The following AGO1 variants were observed in gnomAD, a reference collection of about 807,000 sequenced individuals.
AGO1 encodes argonaute RISC component 1, also known as protein argonaute-1.
Under a neutral mutation model 109.2 loss-of-function variants are expected in AGO1, and 11 were observed. That is an observed-to-expected ratio of 0.10 (90% CI 0.06 to 0.17). AGO1 has a LOEUF of 0.17. AGO1 is among the 10% of genes least tolerant of loss of function. The pLI, the probability that AGO1 is intolerant of heterozygous loss-of-function variation, is 1.00. For missense variants in AGO1, 574 were observed against 1,140.3 expected, an observed-to-expected ratio of 0.50 and a Z score of 7.15; for synonymous variants, 422 against 418.6, an observed-to-expected ratio of 1.01 and a Z score of -0.10.
Position 35,883,457 on chromosome 1 carries a change from C to A in AGO1, c.25+11C>A, listed in dbSNP as rs758143029. On this transcript the variant is annotated intron_variant, in intron 1 of 18. Transcript: ENST00000373204. The surrounding 1 kb of genome is among the most constrained non-coding windows in gnomAD (Gnocchi z 5.4). ...GACCCTCGGGAGCAGGTAAGGGTCCCCAGGAGGGGGAACGGTGCATGCTCC... is the reference window on the plus strand; with the variant it reads ...GACCCTCGGGAGCAGGTAAGGGTCCACAGGAGGGGGAACGGTGCATGCTCC... 3 of 1,554,004 alleles carry A rather than the reference C, an allele frequency of 1.9e-6. No individual in the cohort carries two copies. Among genetic ancestry groups the A allele is most frequent in the Non-Finnish European group, 2.6e-6 (3 of 1,156,388 alleles).
chr1:35,884,091 C>A (rs977132725), intron 1 of AGO1, among the ~76,000 whole-genome samples: 1 of 151,250 alleles, frequency 6.6e-6, no homozygotes, highest in African/African-American at 2.4e-5. Context: ...CTCTCCACAC[C>A]CCCCCGCCCC....
Position 35,901,821 on chromosome 1 carries a change from C to T in AGO1, c.1141-127C>T. ...CCTCACTTCCCTCATCTTCCACTTT[C>T]TCTCTCTTTTTAGGACTATTCCGTA... is the stretch of plus-strand genomic sequence containing the variant. On this transcript the variant is annotated intron_variant, in intron 9 of 18. Coordinates refer to ENST00000373204, the MANE Select transcript of AGO1 (RefSeq NM_012199.5). The surrounding 1 kb of genome is among the most constrained non-coding windows in gnomAD (Gnocchi z 4.8). 7.1e-7 allele frequency: 1 copy of T among 1,400,068 alleles called. No individual in the cohort carries two copies. The highest frequency in any genetic ancestry group is 9.7e-7 in the Non-Finnish European group (1 of 1,030,248). 86.7% of individuals were successfully genotyped at this position (1,400,068 alleles called of 1,614,324 possible). A position where few individuals can be genotyped will look rare whatever the true frequency, so the allele number is the denominator to read the frequency against.
intron 8 of AGO1, among the ~76,000 whole-genome samples, chr1:35,895,797 T>C (rs1645306521): frequency 6.6e-6 from 1 of 152,214 alleles, no homozygotes; most frequent in Non-Finnish European, 1.5e-5. Flanking sequence ...CACTAAGTTA[T>C]AGAATACAAA....
chr1:35,877,456 C>T (rs960567853), intron 1 of AGO1, among the ~76,000 whole-genome samples: 2 of 152,158 alleles, frequency 1.3e-5, no homozygotes, highest in Admixed American at 6.5e-5. Flanking sequence ...GATATCTCTT[C>T]TATGTAACCT....
intron 14 of AGO1, 56 bp from the exon 15 acceptor site, chr1:35,915,292 A>G: frequency 3.9e-6 from 6 of 1,532,928 alleles, no homozygotes; most frequent in African/African-American, 2.7e-5. Context: ...ACAAACCCAT[A>G]GCCTGACAGT....
intron 1 of AGO1, among the ~76,000 whole-genome samples, chr1:35,876,799 A>G (rs911521632): frequency 5.3e-5 from 8 of 152,090 alleles, no homozygotes; most frequent in Non-Finnish European, 1.5e-5. Flanking sequence ...TTTGTTTTTT[A>G]AGAGACAGGC....
chr1:35,907,144 A>G (rs536133278), intron 12 of AGO1, 25 bp downstream of exon 12: 2 of 1,593,618 alleles, frequency 1.3e-6, no homozygotes, highest in Admixed American at 1.7e-5. Context: ...GGACAGTGAT[A>G]ATGGTGATAG....
chr1:35,908,225 C>T (rs1273672433), intron 12 of AGO1, among the ~76,000 whole-genome samples: 1 of 152,224 alleles, frequency 6.6e-6, no homozygotes, highest in African/African-American at 2.4e-5. Context: ...CCTAAATCTC[C>T]TCTGCACAGG....
intron 1 of AGO1, among the ~76,000 whole-genome samples, chr1:35,886,995 G>A (rs1343691719): frequency 1.3e-5 from 2 of 152,176 alleles, no homozygotes; most frequent in East Asian, 1.9e-4. Context: ...CTGTCTGTCC[G>A]TGAGCTTGTG....
intron 3 of AGO1, 53 bp downstream of exon 3, chr1:35,892,730 G>T: frequency 6.2e-7 from 1 of 1,612,054 alleles, no homozygotes; most frequent in Non-Finnish European, 8.5e-7. Flanking sequence ...GTAGAACCAA[G>T]CTCATGTAAG....
chr1:35,917,229 A>G (rs1645751219), intron 15 of AGO1, among the ~76,000 whole-genome samples: 1 of 151,900 alleles, frequency 6.6e-6, no homozygotes, highest in African/African-American at 2.4e-5. Context: ...CCAAAGGAGA[A>G]CTCTCATTAG....
intron 1 of AGO1, among the ~76,000 whole-genome samples, chr1:35,872,690 G>C (rs1644961984): frequency 6.6e-6 from 1 of 151,842 alleles, no homozygotes; most frequent in Non-Finnish European, 1.5e-5. Flanking sequence ...TCCTTCCTCA[G>C]TCACCCGAGA....
chr1:35,891,631 C>T (rs1300498716), intron 2 of AGO1, among the ~76,000 whole-genome samples: 2 of 149,992 alleles, frequency 1.3e-5, no homozygotes, highest in Non-Finnish European at 3.0e-5. Context: ...GTGGCATGAT[C>T]TCGGCTCACT....
Position 35,902,185 on chromosome 1 carries a change from C to T in AGO1, c.1264-19C>T. 6.2e-7 allele frequency: 1 copy of T among 1,609,812 alleles called. No individual in the cohort carries two copies. The highest frequency in any genetic ancestry group is 8.5e-7 in the Non-Finnish European group (1 of 1,177,354). On this transcript the variant is annotated intron_variant, in intron 10 of 18. Transcript: ENST00000373204. ...ACTCTACTGAGGCTCACCTAGGCGC[C>T]CCCTCTACCTATCCCCAGAACCGGG...
At chr1:35,890,167 C>A (rs1055298261) in intron 2 of AGO1, among the ~76,000 whole-genome samples, 1 of 151,870 alleles carries the variant, frequency 6.6e-6, no homozygotes, top group Non-Finnish European at 1.5e-5. Context: ...GGATTACAGG[C>A]ACCCACCACC....
At chr1:35,916,674 C>G (rs1215568392) in intron 15 of AGO1, among the ~76,000 whole-genome samples, 1 of 152,194 alleles carries the variant, frequency 6.6e-6, no homozygotes, top group African/African-American at 2.4e-5. Flanking sequence ...GGCCATTATG[C>G]CCAATTTCTA....
chr1:35,872,720 T>G (rs1644962772), intron 1 of AGO1, among the ~76,000 whole-genome samples: 2 of 152,016 alleles, frequency 1.3e-5, no homozygotes, highest in African/African-American at 4.8e-5. Flanking sequence ...TACAGTGATG[T>G]ACCACTGGGC....
chr1:35,927,764 T>C lies in AGO1; in HGVS notation c.*8157T>C, dbSNP rs941085179. The C allele has an allele frequency of 6.6e-6, 1 of 152,214 alleles. No homozygotes were observed. The highest frequency in any genetic ancestry group is 1.5e-5 in the Non-Finnish European group (1 of 68,060). The allele number at this position is 152,214 out of a possible 1,614,324, so 9.4% of individuals were successfully genotyped here. A position where few individuals can be genotyped will look rare whatever the true frequency, so the allele number is the denominator to read the frequency against. On this transcript the variant is annotated 3_prime_UTR_variant, in exon 19 of 19. Coordinates refer to ENST00000373204, the MANE Select transcript of AGO1 (RefSeq NM_012199.5). The stretch of plus-strand genomic sequence containing the variant: ...TCTGGTCTCAAAGGTACTTCAACTT[T>C]TACAGATGAGAAACATGAATCAGAG...
At chr1:35,876,545 T>C (rs187472837) in intron 1 of AGO1, among the ~76,000 whole-genome samples, 322 of 152,202 alleles carry the variant, frequency 2.1e-3, no homozygotes, top group Non-Finnish European at 2.4e-3. Context: ...GGATTACAGG[T>C]GTGAGCCACT....
Sources: gnomAD v4.1 joint callset for allele counts (sites outside exome capture counted in the v4.1 genomes callset) on GRCh38, gnomAD v4.1.1 for gene constraint, Gnocchi (gnomAD v3.1) non-coding constraint, MANE v1.5 for transcripts, NCBI Gene and HGNC (gene_info 2026-07-23, HGNC 2026-07-21) for gene names.